The following MTMR14 variants were observed in gnomAD, a reference collection of about 807,000 sequenced individuals.
The protein encoded by MTMR14 is phosphatidylinositol-3,5-bisphosphate 3-phosphatase MTMR14.
A neutral mutation model predicts 86.3 loss-of-function variants in MTMR14; 48 were observed. That is an observed-to-expected ratio of 0.56 (90% CI 0.44 to 0.71). The LOEUF (loss-of-function observed/expected upper bound fraction) is 0.71, where lower values mean the gene tolerates loss of function less well. MTMR14 is among the 30% of genes least tolerant of loss of function. The probability of loss-of-function intolerance (pLI) is 0.00; values close to 1 mark genes in which losing one functional copy is unlikely to be tolerated. For synonymous variants in MTMR14, 366 were observed against 326.1 expected, an observed-to-expected ratio of 1.12 and a Z score of -1.32; for missense variants, 780 against 834.6, an observed-to-expected ratio of 0.93 and a Z score of 0.81.
At chr3:9,664,261 T>G (rs1035774578) in intron 3 of MTMR14, among the ~76,000 whole-genome samples, 15 of 150,074 alleles carry the variant, frequency 1.0e-4, no homozygotes, top group Non-Finnish European at 2.1e-4. Context: ...ATTCTTCAAA[T>G]AGATTGATAA....
chr3:9,661,930 T>TA (rs1377571643), intron 2 of MTMR14, among the ~76,000 whole-genome samples: 3 of 151,488 alleles, frequency 2.0e-5, no homozygotes, highest in Admixed American at 6.6e-5. Context: ...CTACCAAAAA[T>TA]AAAAAAATTA....
intron 1 of MTMR14, among the ~76,000 whole-genome samples, chr3:9,651,976 C>T (rs765685460): frequency 6.6e-6 from 1 of 152,078 alleles, no homozygotes; most frequent in Non-Finnish European, 1.5e-5. Context: ...GGAGTACAGG[C>T]GCCCGCCACC....
intron 5 of MTMR14, 117 bp downstream of exon 5, chr3:9,669,609 C>T (rs763488484): frequency 1.8e-5 from 18 of 1,022,704 alleles, no homozygotes; most frequent in Non-Finnish European, 2.0e-5. Flanking sequence ...AGTGGATTGG[C>T]TTCTTCCTCT....
In MTMR14 at chr3:9,669,510, G is replaced by A. The variant is rs1317386933; in HGVS notation, c.554+18G>A. The A allele has an allele frequency of 6.2e-6, 10 of 1,608,830 alleles. No homozygotes were observed. In the East Asian group the frequency reaches 2.0e-4, roughly 33 times the overall value. On this transcript the variant is annotated intron_variant, in intron 5 of 18. Transcript: ENST00000296003. ...GCTCTTCGGTCAGTGCTGGGTTGCT[G>A]TGGTCAGGGGCTTGTGTTGGGGATG...
chr3:9,680,865 G>A (rs1039971029), intron 9 of MTMR14, among the ~76,000 whole-genome samples: 1 of 148,426 alleles, frequency 6.7e-6, no homozygotes, highest in Non-Finnish European at 1.5e-5. Flanking sequence ...ACAAACAAAA[G>A]AAGGCAGCCC....
chr3:9,657,068 A>G (rs1336431728), intron 2 of MTMR14, among the ~76,000 whole-genome samples: 1 of 151,148 alleles, frequency 6.6e-6, no homozygotes, highest in East Asian at 1.9e-4. Flanking sequence ...ACATACCACC[A>G]CTCCCAGCTG....
chr3:9,675,856 C>G (rs1042693237), intron 7 of MTMR14, among the ~76,000 whole-genome samples: 1 of 152,170 alleles, frequency 6.6e-6, no homozygotes, highest in African/African-American at 2.4e-5. Flanking sequence ...CTCTTCTAAA[C>G]CTGGGCTCAT....
chr3:9,661,403 C>T (rs980828706), intron 2 of MTMR14, among the ~76,000 whole-genome samples: 1 of 152,052 alleles, frequency 6.6e-6, no homozygotes, highest in Non-Finnish European at 1.5e-5. Flanking sequence ...AATATAATGC[C>T]GCCACTGATG....
intron 10 of MTMR14, 65 bp downstream of exon 10, chr3:9,683,309 C>T: frequency 1.4e-6 from 2 of 1,461,136 alleles, no homozygotes; most frequent in Non-Finnish European, 9.6e-7. Flanking sequence ...GTTCATTCTG[C>T]CTCAACTGTA....
At chr3:9,689,318 A>G (rs1477384138) in intron 16 of MTMR14, among the ~76,000 whole-genome samples, 2 of 152,182 alleles carry the variant, frequency 1.3e-5, no homozygotes, top group Non-Finnish European at 2.9e-5. Flanking sequence ...TGGGACAGAG[A>G]AGCAGCTGGG....
At chr3:9,658,070 G>A (rs185356957) in intron 2 of MTMR14, among the ~76,000 whole-genome samples, 4 of 152,244 alleles carry the variant, frequency 2.6e-5, no homozygotes, top group South Asian at 2.1e-4. Context: ...GGAGCTTGTT[G>A]GAGTTTGTTT....
chr3:9,690,247 T>A, intron 17 of MTMR14, 104 bp downstream of exon 17: 2 of 1,282,222 alleles, frequency 1.6e-6, no homozygotes, highest in Non-Finnish European at 2.2e-6. Context: ...CAAGATGGGG[T>A]TCCTAAGCTT....
intron 9 of MTMR14, among the ~76,000 whole-genome samples, chr3:9,681,672 C>CTTGT (rs575254786): frequency 3.5e-3 from 534 of 152,238 alleles, no homozygotes; most frequent in African/African-American, 8.8e-3. Context: ...AGGCACGAGC[C>CTTGT]TTGTTTGTTT....
chr3:9,699,093 A>G (rs1388270052), intron 18 of MTMR14, among the ~76,000 whole-genome samples: 2 of 151,128 alleles, frequency 1.3e-5, no homozygotes, highest in Non-Finnish European at 2.9e-5. Flanking sequence ...AATCGTTTGA[A>G]CCTGGGAAGC....
intron 5 of MTMR14, among the ~76,000 whole-genome samples, chr3:9,669,847 C>T (rs1348475767): frequency 6.6e-6 from 1 of 152,212 alleles, no homozygotes; most frequent in Non-Finnish European, 1.5e-5. Flanking sequence ...GATTACCAAC[C>T]TGCCAGATCT....
chr3:9,671,911 C>A (rs1176763827), intron 6 of MTMR14, among the ~76,000 whole-genome samples: 2 of 152,178 alleles, frequency 1.3e-5, no homozygotes, highest in African/African-American at 2.4e-5. Context: ...CGTTAGAGCT[C>A]ACCTATCTTC....
Position 9,692,105 on chromosome 3 carries a change from T to G in MTMR14, c.1613+1962T>G, listed in dbSNP as rs150262319. Among the ~76,000 whole-genome samples, 656 of 152,334 alleles carry G rather than the reference T, an allele frequency of 4.3e-3. 5 individuals carry two copies. Among genetic ancestry groups the G allele is most frequent in the Non-Finnish European group, 6.9e-3 (471 of 68,016 alleles). On this transcript the variant is annotated intron_variant, in intron 17 of 18. Transcript: ENST00000296003. ...GGGATCCTGTCATTACCCTCCCTGC[T>G]TCTTAGGTAACAATAGCCTGTGAGG...
chr3:9,694,418 A>C (rs1278722532), intron 17 of MTMR14, among the ~76,000 whole-genome samples: 1 of 152,228 alleles, frequency 6.6e-6, no homozygotes, highest in African/African-American at 2.4e-5. Context: ...AAGGTCAGAG[A>C]ATCGTTTGAA....
At chr3:9,659,329 A>G (rs1250903534) in intron 2 of MTMR14, among the ~76,000 whole-genome samples, 4 of 152,208 alleles carry the variant, frequency 2.6e-5, no homozygotes, top group Non-Finnish European at 4.4e-5. Flanking sequence ...CATCCCTTCG[A>G]ATGTGAGTAT....
Sources: gnomAD v4.1 joint callset for allele counts (sites outside exome capture counted in the v4.1 genomes callset) on GRCh38, gnomAD v4.1.1 for gene constraint, MANE v1.5 for transcripts, NCBI Gene and HGNC (gene_info 2026-07-23, HGNC 2026-07-21) for gene names.